TPP1: variants seen among roughly 807,000 people sequenced by gnomAD.
TPP1 encodes the protein tripeptidyl-peptidase 1.
TPP1 carries 43 observed loss-of-function variants against 67.6 expected under a neutral mutation model. The observed-to-expected ratio is 0.64, with a 90% confidence interval of 0.50 to 0.82. The LOEUF (loss-of-function observed/expected upper bound fraction) is 0.82. Among genes scored for constraint, TPP1 ranks in the 40% least tolerant of loss-of-function variants. The pLI, the probability that TPP1 is intolerant of heterozygous loss-of-function variation, is 0.00. For synonymous variants in TPP1, 272 were observed against 281.5 expected, an observed-to-expected ratio of 0.97 and a Z score of 0.34; for missense variants, 671 against 710.9, an observed-to-expected ratio of 0.94 and a Z score of 0.64.
Position 6,613,158 on chromosome 11 carries a change from A to AAC in TPP1, c.*1386_*1387dup, listed in dbSNP as rs1438776033. 12 of 152,262 alleles carry AAC rather than the reference A, an allele frequency of 7.9e-5. No homozygotes were observed. Among genetic ancestry groups the AAC allele is most frequent in the African/African-American group, 2.9e-4 (12 of 41,464 alleles). The allele number at this position is 152,262 out of a possible 1,614,324, so 9.4% of individuals were successfully genotyped here. On this transcript the variant is annotated 3_prime_UTR_variant, in exon 13 of 13. Coordinates refer to ENST00000299427, the MANE Select transcript of TPP1 (RefSeq NM_000391.4). ...TAGTCCATATCAGAACCAAGATTCA[A>AAC]ACAGGTTTTGTTTAGAAAATCTAGG... is the stretch of plus-strand genomic sequence containing the variant.
chr11:6,614,391 T>G lies in TPP1; in HGVS notation c.*155A>C. 4.0e-6 allele frequency: 4 copies of G among 1,008,890 alleles called. No homozygotes were observed. In the South Asian group the frequency reaches 4.6e-5, roughly 12 times the overall value. 62.5% of individuals were successfully genotyped at this position (1,008,890 alleles called of 1,614,324 possible). ...TGATGGAGCATGGTAGGGTTGGGAGTCAAGTCAAGCTCACAGCATTTCAGG... is the reference window on the plus strand; with the variant it reads ...TGATGGAGCATGGTAGGGTTGGGAGGCAAGTCAAGCTCACAGCATTTCAGG... On this transcript the variant is annotated 3_prime_UTR_variant, in exon 13 of 13. Coordinates refer to ENST00000299427, the MANE Select transcript of TPP1 (RefSeq NM_000391.4).
intron 9 of TPP1, 131 bp from the exon 10 acceptor site, chr11:6,615,693 G>T: frequency 8.1e-7 from 1 of 1,237,352 alleles, no homozygotes; most frequent in Non-Finnish European, 1.2e-6. Context: ...ATATGGGATT[G>T]ACTAAGAGAT....
chr11:6,618,943 C>T (rs979293046), intron 2 of TPP1, 28 bp from the exon 3 acceptor site: 1 of 1,610,570 alleles, frequency 6.2e-7, no homozygotes, highest in African/African-American at 1.3e-5. Flanking sequence ...AGGGACATGG[C>T]TTTGGTTAGG....
At chr11:6,618,699 G>C (rs1202907143) in intron 3 of TPP1, 77 bp downstream of exon 3, 1 of 1,593,268 alleles carries the variant, frequency 6.3e-7, no homozygotes, top group Non-Finnish European at 8.5e-7. Context: ...GCTCTGACAT[G>C]ATCGCCATCC....
chr11:6,619,420 G>C lies in TPP1; in HGVS notation c.-20C>G, dbSNP rs368143492. On this transcript the variant is annotated 5_prime_UTR_variant, in exon 1 of 13. Transcript: ENST00000299427. ...TCCCATTCTGCCCTTCCGCGGATCT[G>C]CTGTCATGTGACGGATCACATGAGC... 1.9e-5 allele frequency: 31 copies of C among 1,614,068 alleles called. No individual in the cohort carries two copies. The African/African-American group carries it at 3.3e-4, about 17-fold the overall frequency.
rs1330785262 is a variant in TPP1, at chr11:6,614,926, G to C, written c.1491C>G (p.Arg497=). Residue 497 remains arginine (R), a synonymous_variant, in exon 12 of 13, where the codon CGC becomes CGG. Transcript: ENST00000299427. The stretch of plus-strand genomic sequence containing the variant: ...TTGGGTTGAGAAAGCCAAGAGGGGG[G>C]CGGCCACTAAGGATCCTGTGCTCAT... ...LINEHRILSG[R]PPLGFLNPRL... The C allele has an allele frequency of 1.2e-6, 2 of 1,614,134 alleles. No homozygotes were observed. The highest frequency in any genetic ancestry group is 1.7e-6 in the Non-Finnish European group (2 of 1,180,024).
In TPP1 at chr11:6,613,498, T is replaced by C. The variant is rs1855528087; in HGVS notation, c.*1048A>G. 6.6e-6 allele frequency: 1 copy of C among 152,420 alleles called. No homozygotes were observed. The highest frequency in any genetic ancestry group is 1.5e-5 in the Non-Finnish European group (1 of 68,052). 9.4% of individuals were successfully genotyped at this position (152,420 alleles called of 1,614,324 possible). A position where few individuals can be genotyped will look rare whatever the true frequency, so the allele number is the denominator to read the frequency against. ...TTCATCCAAGTGGCCTGATGGGATT[T>C]GCATTTTACTCTGGAAGATGACTTG... On this transcript the variant is annotated 3_prime_UTR_variant, in exon 13 of 13. Coordinates refer to ENST00000299427, the MANE Select transcript of TPP1 (RefSeq NM_000391.4).
intron 11 of TPP1, 66 bp from the exon 12 acceptor site, chr11:6,615,057 C>T (rs568525810): frequency 3.1e-6 from 5 of 1,613,536 alleles, no homozygotes; most frequent in East Asian, 4.5e-5. Context: ...GGGAGTGATG[C>T]TTTAAAGTAT....
At chr11:6,616,180 G>A (rs1855578851) in intron 8 of TPP1, 106 bp from the exon 9 acceptor site, 2 of 1,570,908 alleles carry the variant, frequency 1.3e-6, no homozygotes, top group Admixed American at 1.7e-5. Context: ...GAGTGTAGAG[G>A]TCAGGTCAGT....
In TPP1 at chr11:6,617,263, C is replaced by A. The variant is rs1450974980; in HGVS notation, c.508+38G>T. On this transcript the variant is annotated intron_variant, in intron 5 of 12. Coordinates refer to ENST00000299427, the MANE Select transcript of TPP1 (RefSeq NM_000391.4). ...ATCTAAACTTCCTCAGCCCCTGGAT[C>A]TGTGTGCCCCAACCCCCATTCACCC... 7 of 1,613,912 alleles carry A rather than the reference C, an allele frequency of 4.3e-6. No homozygotes were observed. In the South Asian group the frequency reaches 7.7e-5, roughly 18 times the overall value.
In TPP1 at chr11:6,618,772, G is replaced by T; in HGVS notation, c.229+4C>A. 6 of 1,613,610 alleles carry T rather than the reference G, an allele frequency of 3.7e-6. No individual in the cohort carries two copies. The highest frequency in any genetic ancestry group is 5.1e-6 in the Non-Finnish European group (6 of 1,180,036). On this transcript the variant is annotated splice_donor_region_variant and intron_variant, in intron 3 of 12. Coordinates refer to ENST00000299427, the MANE Select transcript of TPP1 (RefSeq NM_000391.4). ...CACATCCTGTCCTCAGTCCCAAAAG[G>T]CACCGTATTGAGGAGAGCTGGGATC...
intron 12 of TPP1, 81 bp downstream of exon 12, chr11:6,614,784 AC>A: frequency 6.2e-7 from 1 of 1,613,568 alleles, no homozygotes; most frequent in Non-Finnish European, 8.5e-7. Context: ...GCTATTCCAC[AC>A]CACCCTAACT....
chr11:6,615,659 A>G (rs746775890), intron 9 of TPP1, 97 bp from the exon 10 acceptor site: 28 of 1,497,576 alleles, frequency 1.9e-5, no homozygotes, highest in Non-Finnish European at 2.5e-5. Context: ...TGCTGGAGGA[A>G]CTAGACTCTG....
rs1301790966 is a variant in TPP1 at position 6,613,332 on chromosome 11, G to C, written c.*1214C>G. The C allele has an allele frequency of 6.6e-6, 1 of 152,178 alleles. No homozygotes were observed. The highest frequency in any genetic ancestry group is 1.5e-5 in the Non-Finnish European group (1 of 68,026). 9.4% of individuals were successfully genotyped at this position (152,178 alleles called of 1,614,324 possible). A position where few individuals can be genotyped will look rare whatever the true frequency, so the allele number is the denominator to read the frequency against. On this transcript the variant is annotated 3_prime_UTR_variant, in exon 13 of 13. Coordinates refer to ENST00000299427, the MANE Select transcript of TPP1 (RefSeq NM_000391.4). ...TAAGGGGACGGAACAGCTTGAGCAA[G>C]AGTGAGAGTTCCTTGGGGTTTGGGG...
chr11:6,617,476 A>C (rs778589348), intron 4 of TPP1, 48 bp from the exon 5 acceptor site: 20 of 1,613,782 alleles, frequency 1.2e-5, no homozygotes, highest in African/African-American at 9.3e-5. Context: ...GGAACAGAAG[A>C]AGCTACCTCT....
Position 6,616,064 on chromosome 11 carries a change from C to G in TPP1, c.1086G>C (p.Gly362=). The G allele has an allele frequency of 1.2e-6, 2 of 1,614,154 alleles. No homozygotes were observed. The highest frequency in any genetic ancestry group is 1.7e-6 in the Non-Finnish European group (2 of 1,180,012). The stretch of plus-strand genomic sequence containing the variant: ...TTCCAGAGACAGACCAACACCCGGC[C>G]CCACTGTCACCTGAGAGAGACCAAG... The part of the protein sequence containing the change: ...LTLLFASGDS[G]AGCWSVSGRH... The change falls in exon 9 of 13, where the codon GGG becomes GGC. Residue 362 remains glycine, a synonymous_variant. Transcript: ENST00000299427.
chr11:6,615,694 A>C (rs1855570788), intron 9 of TPP1, 132 bp from the exon 10 acceptor site: 1 of 1,233,844 alleles, frequency 8.1e-7, no homozygotes, highest in Non-Finnish European at 1.2e-6. Context: ...TATGGGATTG[A>C]CTAAGAGATT....
At chr11:6,618,212 G>T (rs896769361) in intron 3 of TPP1, 56 of 341,966 alleles carry the variant, frequency 1.6e-4, no homozygotes, top group Non-Finnish European at 3.0e-4. Context: ...GCACACTAGT[G>T]TCACACTGCC....
chr11:6,617,465 C>T (rs779639985), intron 4 of TPP1, 37 bp from the exon 5 acceptor site: 39 of 1,613,952 alleles, frequency 2.4e-5, no homozygotes, highest in Admixed American at 2.3e-4. Context: ...AAGCTCAAAA[C>T]GGAACAGAAG....
Sources: allele counts gnomAD v4.1 joint callset, GRCh38; gene constraint gnomAD v4.1.1; transcripts MANE v1.5; gene names NCBI Gene and HGNC (gene_info 2026-07-23, HGNC 2026-07-21).